The following ARL15 variants were observed in gnomAD, a reference collection of about 807,000 sequenced individuals.
The protein encoded by ARL15 is ARF like GTPase 15, also known as ADP-ribosylation factor-like protein 15.
In ARL15, 19 loss-of-function variants were observed where a neutral mutation model predicts 25.2. The observed-to-expected ratio is 0.75, with a 90% CI of 0.53 to 1.10. The LOEUF is 1.10. ARL15 is among the 50% of genes least tolerant of loss of function. The pLI, the probability that ARL15 is intolerant of heterozygous loss-of-function variation, is 0.00. For missense variants in ARL15, 220 were observed against 246.0 expected, an observed-to-expected ratio of 0.89 and a Z score of 0.71; for synonymous variants, 94 against 86.8, an observed-to-expected ratio of 1.08 and a Z score of -0.46.
In ARL15 at chr5:53,910,636, TATATATATATATA is replaced by T. The variant is rs1745424412; in HGVS notation, c.463-23936_463-23924del. On this transcript the variant is annotated intron_variant, in intron 4 of 4. Coordinates refer to ENST00000504924, the MANE Select transcript of ARL15 (RefSeq NM_019087.3). ...CTTAAAGTATAATAAAAAAAAATTA[TATATATATATATA>T]TATATATATATATATATATATATAA... 1.9e-3 allele frequency among the ~76,000 whole-genome samples: 207 copies of T among 109,258 alleles called. 7 individuals are homozygous for T. The highest frequency in any genetic ancestry group is 2.5e-3 in the African/African-American group (71 of 28,034). 71.7% of individuals were successfully genotyped at this position (109,258 alleles called of 152,430 possible). A position where few individuals can be genotyped will look rare whatever the true frequency, so the allele number is the denominator to read the frequency against.
intron 4 of ARL15, among the ~76,000 whole-genome samples, chr5:54,033,356 T>C (rs916079276): frequency 1.3e-5 from 2 of 151,242 alleles, no homozygotes; most frequent in Non-Finnish European, 2.9e-5. Context: ...GCTTAGAAAA[T>C]GTTTGCTTAA....
chr5:53,990,098 C>T (rs571563614), intron 4 of ARL15, among the ~76,000 whole-genome samples: 8 of 152,138 alleles, frequency 5.3e-5, no homozygotes, highest in Admixed American at 4.6e-4. Context: ...CATGGTGGCA[C>T]ACGCCTGTGG....
intron 4 of ARL15, among the ~76,000 whole-genome samples, chr5:54,064,129 G>A (rs569641667): frequency 7.9e-5 from 12 of 152,196 alleles, no homozygotes; most frequent in African/African-American, 2.7e-4. Flanking sequence ...CCACGGAAGT[G>A]CATGGCTGCT....
Position 53,976,500 on chromosome 5 carries a change from A to G in ARL15, c.463-89787T>C, listed in dbSNP as rs554867271. On this transcript the variant is annotated intron_variant, in intron 4 of 4. Coordinates refer to ENST00000504924, the MANE Select transcript of ARL15 (RefSeq NM_019087.3). ...GGATATGGGGAGCCACTTAACTTTA[A>G]GCAGGGGACTGAGATGAGTAGATTT... 2.0e-5 allele frequency among the ~76,000 whole-genome samples: 3 copies of G among 152,322 alleles called. No homozygotes were observed. The South Asian group carries it at 6.2e-4, about 32-fold the overall frequency.
At chr5:53,896,065 GCT>G (rs1744862176) in intron 4 of ARL15, among the ~76,000 whole-genome samples, 1 of 152,060 alleles carries the variant, frequency 6.6e-6, no homozygotes, top group African/African-American at 2.4e-5. Context: ...ACAGAGTCTT[GCT>G]CTGTCACCCA....
intron 4 of ARL15, among the ~76,000 whole-genome samples, chr5:53,956,769 C>T (rs1291481849): frequency 6.6e-6 from 1 of 151,828 alleles, no homozygotes; most frequent in Non-Finnish European, 1.5e-5. Flanking sequence ...CAGAAAGGAA[C>T]CAAACAGAAA....
chr5:54,308,195 G>A (rs1758810703), intron 1 of ARL15, among the ~76,000 whole-genome samples: 1 of 152,118 alleles, frequency 6.6e-6, no homozygotes, highest in African/African-American at 2.4e-5. Context: ...TTTTTGTTTT[G>A]AGATGGTTTT....
At chr5:54,053,024 A>C (rs1212552724) in intron 4 of ARL15, among the ~76,000 whole-genome samples, 2 of 152,208 alleles carry the variant, frequency 1.3e-5, no homozygotes, top group Non-Finnish European at 2.9e-5. Flanking sequence ...GTAGGAGCTA[A>C]TTAAAAGAAC....
At chr5:54,041,735 T>G (rs1024801773) in intron 4 of ARL15, among the ~76,000 whole-genome samples, 1 of 152,206 alleles carries the variant, frequency 6.6e-6, no homozygotes, top group African/African-American at 2.4e-5. Flanking sequence ...ATTTCATAGT[T>G]GGAATTGAAA....
At chr5:53,975,997 T>G (rs996221961) in intron 4 of ARL15, among the ~76,000 whole-genome samples, 4 of 152,218 alleles carry the variant, frequency 2.6e-5, no homozygotes, top group Non-Finnish European at 5.9e-5. Flanking sequence ...GATTCGCACA[T>G]CCTGGATTTA....
chr5:54,175,812 C>T (rs1754855427), intron 1 of ARL15, among the ~76,000 whole-genome samples: 1 of 151,742 alleles, frequency 6.6e-6, no homozygotes, highest in Non-Finnish European at 1.5e-5. Flanking sequence ...ACCACCACAC[C>T]CAGCTAATTT....
chr5:54,156,268 G>C (rs2112353972), intron 2 of ARL15, among the ~76,000 whole-genome samples: 1 of 152,180 alleles, frequency 6.6e-6, no homozygotes, highest in East Asian at 1.9e-4. Context: ...GACAGAACTA[G>C]GTTGAAATTC....
At chr5:53,963,290 A>G (rs1747429322) in intron 4 of ARL15, among the ~76,000 whole-genome samples, 1 of 152,202 alleles carries the variant, frequency 6.6e-6, no homozygotes, top group Non-Finnish European at 1.5e-5. Context: ...AGACTTTGGC[A>G]TGGTAAAAAT....
chr5:54,172,525 A>G (rs1754750237), intron 1 of ARL15, among the ~76,000 whole-genome samples: 1 of 152,174 alleles, frequency 6.6e-6, no homozygotes, highest in Non-Finnish European at 1.5e-5. Flanking sequence ...CCTGAATTTA[A>G]TCAATGTACT....
At chr5:53,979,829 TTGTGTGTGTG>T (rs70986653) in intron 4 of ARL15, among the ~76,000 whole-genome samples, 21,109 of 143,020 alleles carry the variant, frequency 0.15, 1,780 homozygotes, top group East Asian at 0.33. Flanking sequence ...TTAAAGTCTT[TTGTGTGTGTG>T]TGTGTGTGTG....
intron 4 of ARL15, among the ~76,000 whole-genome samples, chr5:54,059,073 A>G (rs1750978381): frequency 6.6e-6 from 1 of 152,240 alleles, no homozygotes. Flanking sequence ...GAAAGGCTTT[A>G]AATAACCTTA....
At chr5:54,147,177 A>G (rs943463709) in intron 3 of ARL15, among the ~76,000 whole-genome samples, 6 of 152,186 alleles carry the variant, frequency 3.9e-5, no homozygotes, top group Non-Finnish European at 8.8e-5. Context: ...CCAGGAGTTA[A>G]CTGGCTGTTC....
rs139795428 is a variant in ARL15 at position 54,112,282 on chromosome 5, A to C, written c.462+920T>G. ...TTTTAGAGGTGAGAAGCCAGGCACA[A>C]GAATAGGCTATCTGCCGTGGGTCAC... is the stretch of plus-strand genomic sequence containing the variant. On this transcript the variant is annotated intron_variant, in intron 4 of 4. Transcript: ENST00000504924. 5.3e-5 allele frequency among the ~76,000 whole-genome samples: 8 copies of C among 152,336 alleles called. No individual in the cohort carries two copies. The East Asian group carries it at 1.5e-3, about 29-fold the overall frequency.
At chr5:54,116,680 C>T (rs1752909386) in intron 3 of ARL15, among the ~76,000 whole-genome samples, 1 of 152,086 alleles carries the variant, frequency 6.6e-6, no homozygotes, top group African/African-American at 2.4e-5. Context: ...GGTGGCTGCT[C>T]AAAGTGTTTT....
Sources: gnomAD v4.1 joint callset for allele counts (sites outside exome capture counted in the v4.1 genomes callset) on GRCh38, gnomAD v4.1.1 for gene constraint, MANE v1.5 for transcripts, NCBI Gene and HGNC (gene_info 2026-07-23, HGNC 2026-07-21) for gene names.